ANKFN1: variants seen among roughly 807,000 people sequenced by gnomAD.
ANKFN1 encodes the protein ankyrin repeat and fibronectin type-III domain-containing protein 1.
In ANKFN1, 74 loss-of-function variants were observed where a neutral mutation model predicts 108.7. That is an observed-to-expected ratio of 0.68 (90% CI 0.56 to 0.83). The LOEUF (loss-of-function observed/expected upper bound fraction) is 0.83. Ranked by LOEUF, ANKFN1 falls within the 40% of genes least tolerant of loss-of-function variation. The pLI is 0.00. For missense variants in ANKFN1, 1,505 were observed against 1,382.3 expected, an observed-to-expected ratio of 1.09 and a Z score of -1.41; for synonymous variants, 547 against 516.2, an observed-to-expected ratio of 1.06 and a Z score of -0.81.
At chr17:56,398,827 T>G (rs1229239592) in intron 8 of ANKFN1, among the ~76,000 whole-genome samples, 1 of 152,148 alleles carries the variant, frequency 6.6e-6, no homozygotes, top group Non-Finnish European at 1.5e-5. Context: ...CATGTGATAT[T>G]ATGAAGAACA....
rs144775335 is a variant in ANKFN1 at position 56,438,468 on chromosome 17, T to G, written c.911-1859T>G. On this transcript the variant is annotated intron_variant, in intron 8 of 20. Coordinates refer to ENST00000682825, the MANE Select transcript of ANKFN1 (RefSeq NM_001370326.1). ...TTGAATGCCTTCCTAAGATTTCATT[T>G]TATTTCAAAGCAACTGGACTCTATG... Among the ~76,000 whole-genome samples the G allele has an allele frequency of 5.6e-4, 86 of 152,358 alleles. 1 individual carries two copies. Among genetic ancestry groups the G allele is most frequent in the Admixed American group, 1.5e-3 (23 of 15,302 alleles).
At chr17:56,128,300 T>A (rs1907058518) in intron 4 of ANKFN1, among the ~76,000 whole-genome samples, 1 of 151,792 alleles carries the variant, frequency 6.6e-6, no homozygotes, top group African/African-American at 2.4e-5. Flanking sequence ...TGATATGCAA[T>A]GGAAAGACGG....
At chr17:56,273,833 T>A (rs950702785) in intron 3 of ANKFN1, among the ~76,000 whole-genome samples, 1 of 152,210 alleles carries the variant, frequency 6.6e-6, no homozygotes, top group Non-Finnish European at 1.5e-5. Context: ...ACATTTTCAG[T>A]TGCAATATCC....
chr17:56,246,067 A>C (rs1032121803), intron 3 of ANKFN1, among the ~76,000 whole-genome samples: 1 of 152,142 alleles, frequency 6.6e-6, no homozygotes, highest in Admixed American at 6.6e-5. Flanking sequence ...CTGCAATCAA[A>C]GTTCCTCCTT....
intron 4 of ANKFN1, among the ~76,000 whole-genome samples, chr17:56,117,127 T>A (rs1906330210): frequency 6.6e-6 from 1 of 152,196 alleles, no homozygotes; most frequent in African/African-American, 2.4e-5. Flanking sequence ...CCCATGGTAT[T>A]ATATTATAAA....
At chr17:56,346,108 G>A (rs532517882) in intron 4 of ANKFN1, among the ~76,000 whole-genome samples, 1 of 152,124 alleles carries the variant, frequency 6.6e-6, no homozygotes, top group Admixed American at 6.6e-5. Flanking sequence ...TCTGCATATG[G>A]CTAGCCAGTT....
At chr17:56,094,474 CTTTTTT>C (rs60149030) in intron 4 of ANKFN1, among the ~76,000 whole-genome samples, 1 of 75,974 alleles carries the variant, frequency 1.3e-5, no homozygotes, top group Non-Finnish European at 2.3e-5. Flanking sequence ...GTTGTTTCTT[CTTTTTT>C]TTTTTTTTTT....
intron 8 of ANKFN1, among the ~76,000 whole-genome samples, chr17:56,401,484 T>C (rs1033519875): frequency 2.6e-5 from 4 of 152,038 alleles, no homozygotes; most frequent in Non-Finnish European, 5.9e-5. Context: ...GATTATCTGC[T>C]TGGCTGCTGT....
chr17:56,439,635 A>C (rs1261481735), intron 8 of ANKFN1, among the ~76,000 whole-genome samples: 1 of 152,032 alleles, frequency 6.6e-6, no homozygotes, highest in Non-Finnish European at 1.5e-5. Context: ...GAAGAAGGAG[A>C]GAAGGGGAAG....
chr17:56,053,154 T>A (rs947142544), intron 4 of ANKFN1, among the ~76,000 whole-genome samples: 21 of 152,318 alleles, frequency 1.4e-4, no homozygotes, highest in African/African-American at 4.8e-4. Context: ...TTTACTTTTT[T>A]TATTTCTAAT....
chr17:56,179,287 G>A (rs1239157635), intron 1 of ANKFN1, among the ~76,000 whole-genome samples: 1 of 152,146 alleles, frequency 6.6e-6, no homozygotes, highest in Non-Finnish European at 1.5e-5. Flanking sequence ...CACTTTCTAA[G>A]CTTTTAGTCA....
intron 4 of ANKFN1, among the ~76,000 whole-genome samples, chr17:56,092,897 G>C (rs1343327427): frequency 6.6e-6 from 1 of 151,060 alleles, no homozygotes; most frequent in Non-Finnish European, 1.5e-5. Flanking sequence ...CAGACTCAAT[G>C]CCTGCCAAGT....
intron 8 of ANKFN1, among the ~76,000 whole-genome samples, chr17:56,384,481 A>G (rs1333532140): frequency 6.6e-6 from 1 of 152,224 alleles, no homozygotes; most frequent in Non-Finnish European, 1.5e-5. Context: ...GGCCAGGGCA[A>G]TTAGGCAGGA....
chr17:56,460,798 C>T (rs904269853), intron 14 of ANKFN1, among the ~76,000 whole-genome samples: 38 of 151,974 alleles, frequency 2.5e-4, no homozygotes, highest in African/African-American at 7.5e-4. Flanking sequence ...CCCTAAATTC[C>T]TCTCATAGCC....
chr17:56,400,885 ATCGGT>A (rs1382213279), intron 8 of ANKFN1, among the ~76,000 whole-genome samples: 1 of 152,068 alleles, frequency 6.6e-6, no homozygotes, highest in Non-Finnish European at 1.5e-5. Context: ...TTTGTCAAAA[ATCGGT>A]TGGCTGTAAG....
At chr17:56,176,372 A>G (rs1911154881) in intron 1 of ANKFN1, among the ~76,000 whole-genome samples, 1 of 152,200 alleles carries the variant, frequency 6.6e-6, no homozygotes, top group Admixed American at 6.5e-5. Context: ...TGATCCCTGT[A>G]ATAAATACCT....
intron 4 of ANKFN1, among the ~76,000 whole-genome samples, chr17:56,120,409 T>G (rs1906544254): frequency 6.6e-6 from 1 of 152,176 alleles, no homozygotes. Flanking sequence ...AGAATGATTC[T>G]TATAGTCTTT....
At chr17:56,049,216 G>C (rs1904731279) in intron 4 of ANKFN1, among the ~76,000 whole-genome samples, 1 of 152,074 alleles carries the variant, frequency 6.6e-6, no homozygotes, top group African/African-American at 2.4e-5. Context: ...CTTATAAATT[G>C]CTTCAGTGAT....
At position 56,513,643 on chromosome 17, in the gene ANKFN1, C is replaced by T. The variant is rs2051838136; in HGVS notation, c.*2374C>T. ...GGCAGAAACTGACCCACCCTTCTGA[C>T]CCCTCATTTGGTCAGTAAGTTCTGG... On this transcript the variant is annotated 3_prime_UTR_variant, in exon 21 of 21. Transcript: ENST00000682825. Among the ~76,000 whole-genome samples the T allele has an allele frequency of 6.6e-6, 1 of 152,144 alleles. No individual in the cohort carries two copies. The highest frequency in any genetic ancestry group is 2.4e-5 in the African/African-American group (1 of 41,432).
Sources: gnomAD v4.1 joint callset for allele counts (sites outside exome capture counted in the v4.1 genomes callset) on GRCh38, gnomAD v4.1.1 for gene constraint, MANE v1.5 for transcripts, NCBI Gene and HGNC (gene_info 2026-07-23, HGNC 2026-07-21) for gene names.